The following WDPCP variants were observed in gnomAD, a reference collection of about 807,000 sequenced individuals.
WDPCP encodes WD repeat containing planar cell polarity effector.
WDPCP carries 71 observed loss-of-function variants against 93.1 expected under a neutral mutation model. The observed-to-expected ratio is 0.76, with a 90% CI of 0.63 to 0.93. The LOEUF is 0.93. WDPCP is among the 40% of genes least tolerant of loss of function. The pLI is 0.00. For missense variants in WDPCP, 844 were observed against 887.4 expected (o/e 0.95, Z 0.62); for synonymous variants, 315 against 315.0 (o/e 1.00, Z 0.00).
chr2:63,374,125 T>G (rs11895059), intron 12 of WDPCP, among the ~76,000 whole-genome samples: 84,770 of 150,350 alleles, frequency 0.56, 24,266 homozygotes, highest in Admixed American at 0.64. Context: ...TCTCAGGAAG[T>G]ATGCTGTCCC....
chr2:63,285,339 CG>C (rs1559282527), intron 13 of WDPCP, among the ~76,000 whole-genome samples: 2 of 148,934 alleles, frequency 1.3e-5, no homozygotes, highest in African/African-American at 4.9e-5. Flanking sequence ...GAGGCTGAGG[CG>C]GGAGAATGGT....
At chr2:63,440,022 A>G (rs993149365) in intron 6 of WDPCP, 151 bp from the exon 7 acceptor site, 5 of 625,500 alleles carry the variant, frequency 8.0e-6, no homozygotes, top group East Asian at 2.8e-5. Context: ...CTGAAAAACA[A>G]TTACTGACAT....
chr2:63,614,491 AG>A (rs1279574817), intron 3 of WDPCP, among the ~76,000 whole-genome samples: 1 of 152,208 alleles, frequency 6.6e-6, no homozygotes, highest in Non-Finnish European at 1.5e-5. Flanking sequence ...CAACAGCCCA[AG>A]GTATGATGTC....
intron 14 of WDPCP, among the ~76,000 whole-genome samples, chr2:63,247,410 G>A (rs2104687648): frequency 6.6e-6 from 1 of 152,138 alleles, no homozygotes; most frequent in East Asian, 1.9e-4. Flanking sequence ...GAATGTGTAA[G>A]AAAATGACTG....
chr2:63,739,793 T>A (rs563640858), intron 2 of WDPCP, among the ~76,000 whole-genome samples: 1 of 152,230 alleles, frequency 6.6e-6, no homozygotes, highest in Non-Finnish European at 1.5e-5. Flanking sequence ...TGAAATGGTA[T>A]CCCACTCTGG....
chr2:63,409,101 A>G (rs550296661), intron 9 of WDPCP, among the ~76,000 whole-genome samples: 25 of 152,326 alleles, frequency 1.6e-4, no homozygotes, highest in Admixed American at 9.8e-4. Context: ...GACCACTAAA[A>G]TAAAGCATTA....
chr2:63,468,290 C>A (rs1699481675), intron 6 of WDPCP, among the ~76,000 whole-genome samples: 1 of 152,190 alleles, frequency 6.6e-6, no homozygotes, highest in Admixed American at 6.5e-5. Context: ...TCTCACATGG[C>A]TAGTACTATC....
intron 1 of WDPCP, among the ~76,000 whole-genome samples, chr2:63,563,520 C>CT (rs926654141): frequency 6.7e-6 from 1 of 149,792 alleles, no homozygotes; most frequent in Non-Finnish European, 1.5e-5. Context: ...CATAGAGACA[C>CT]TGAGTAGATT....
At chr2:63,231,230 A>T (rs940791975) in intron 14 of WDPCP, among the ~76,000 whole-genome samples, 2 of 152,192 alleles carry the variant, frequency 1.3e-5, no homozygotes, top group Admixed American at 1.3e-4. Context: ...GTCATACCGA[A>T]TGGGCAAACA....
chr2:63,406,014 T>G (rs149107994), intron 9 of WDPCP, among the ~76,000 whole-genome samples: 1 of 152,124 alleles, frequency 6.6e-6, no homozygotes, highest in Non-Finnish European at 1.5e-5. Context: ...CTGGGGAAAC[T>G]GGGGGAAAGT....
chr2:63,350,944 T>A (rs922235993), intron 12 of WDPCP, among the ~76,000 whole-genome samples: 2 of 150,032 alleles, frequency 1.3e-5, no homozygotes, highest in East Asian at 3.9e-4. Context: ...TTCTAAATAT[T>A]TGTCTCTAAT....
chr2:63,151,616 C>T (rs1441445122), intron 17 of WDPCP, among the ~76,000 whole-genome samples: 3 of 152,026 alleles, frequency 2.0e-5, no homozygotes, highest in African/African-American at 7.2e-5. Context: ...TTGAAGCTTT[C>T]GCAAATTAAA....
chr2:63,160,532 C>T (rs917361019), intron 15 of WDPCP, among the ~76,000 whole-genome samples: 5 of 152,150 alleles, frequency 3.3e-5, no homozygotes, highest in African/African-American at 1.2e-4. Flanking sequence ...AACCTCCCCT[C>T]CCCTACTACC....
intron 2 of WDPCP, among the ~76,000 whole-genome samples, chr2:63,790,006 A>C (rs1168175464): frequency 1.3e-5 from 2 of 152,178 alleles, no homozygotes; most frequent in Admixed American, 1.3e-4. Context: ...TCCACCCTAA[A>C]ATAATGTTTA....
chr2:63,453,356 C>G (rs1195278906), intron 6 of WDPCP, among the ~76,000 whole-genome samples: 1 of 152,314 alleles, frequency 6.6e-6, no homozygotes, highest in South Asian at 2.1e-4. Context: ...CTCATCATCA[C>G]TGGCCATCAG....
chr2:63,580,684 A>G (rs1708437792), intron 1 of WDPCP, among the ~76,000 whole-genome samples: 1 of 152,236 alleles, frequency 6.6e-6, no homozygotes, highest in South Asian at 2.1e-4. Context: ...GAGATATGAC[A>G]TCTAAATTAA....
chr2:63,587,010 TA>T, intron 1 of WDPCP, among the ~76,000 whole-genome samples: 1 of 152,352 alleles, frequency 6.6e-6, no homozygotes, highest in East Asian at 1.9e-4. Context: ...AAAATCATGA[TA>T]TTTTTAAGGA....
At chr2:63,545,601 C>T (rs764944595) in intron 1 of WDPCP, among the ~76,000 whole-genome samples, 1 of 151,678 alleles carries the variant, frequency 6.6e-6, no homozygotes, top group Non-Finnish European at 1.5e-5. Context: ...TCTTTCTAGT[C>T]GAGGTATGAT....
chr2:63,828,843 T>C (rs571193311), upstream of WDPCP, among the ~76,000 whole-genome samples: 41 of 152,292 alleles, frequency 2.7e-4, no homozygotes, highest in African/African-American at 9.9e-4. Context: ...CCTTAAATAA[T>C]CTTTAAAAAT....
Sources: allele counts gnomAD v4.1 joint callset (sites outside exome capture counted in the v4.1 genomes callset), GRCh38; gene constraint gnomAD v4.1.1; transcripts MANE v1.5; gene names NCBI Gene and HGNC (gene_info 2026-07-23, HGNC 2026-07-21).